The following DAW1 variants were observed in gnomAD, a reference collection of about 807,000 sequenced individuals.
DAW1 encodes dynein assembly factor with WD repeat domains 1.
A neutral mutation model predicts 56.5 loss-of-function variants in DAW1; 47 were observed. The ratio of observed to expected loss-of-function variants is 0.83; its 90% CI spans 0.66 to 1.06. The LOEUF is 1.06. Among genes scored for constraint, DAW1 ranks in the 50% least tolerant of loss-of-function variants. The pLI is 0.00. For missense variants in DAW1, 505 were observed against 499.3 expected (o/e 1.01, Z -0.11); for synonymous variants, 190 against 179.0 (o/e 1.06, Z -0.49).
chr2:227,921,401 T>G lies in DAW1; in HGVS notation c.1053T>G (p.Ile351Met). The G allele has an allele frequency of 6.2e-7, 1 of 1,609,540 alleles. No individual in the cohort carries two copies. Among genetic ancestry groups the G allele is most frequent in the Non-Finnish European group, 8.5e-7 (1 of 1,177,666 alleles). ...LEGHEGEISK[I>M]SFNPQGNHLL... ...TCATTTTTCTTTCTCTTTTGCAGAT[T>G]TCTTTCAACCCTCAAGGGAACCATC... The change falls in exon 12 of 13, where the codon ATT (isoleucine) becomes ATG (methionine). Residue 351 changes from isoleucine (I) to methionine (M), a missense_variant and splice_region_variant. Transcript: ENST00000309931.
At chr2:227,888,428 C>T (rs573213659) in intron 2 of DAW1, among the ~76,000 whole-genome samples, 8 of 152,276 alleles carry the variant, frequency 5.3e-5, no homozygotes, top group East Asian at 1.9e-4. Context: ...CATCTGACCT[C>T]GATGAAGAAG....
intron 10 of DAW1, among the ~76,000 whole-genome samples, chr2:227,910,490 G>T (rs139549242): frequency 4.7e-4 from 28 of 60,066 alleles, no homozygotes; most frequent in African/African-American, 1.3e-3. Context: ...ATATATTTGT[G>T]GATGAACACA....
intron 6 of DAW1, 82 bp downstream of exon 6, chr2:227,898,363 C>T: frequency 1.4e-6 from 1 of 716,246 alleles, no homozygotes; most frequent in Non-Finnish European, 1.8e-6. Flanking sequence ...CTCTGTCACC[C>T]AGGCTGGAGT....
At chr2:227,917,681 T>A (rs1284669510) in intron 10 of DAW1, among the ~76,000 whole-genome samples, 2 of 147,490 alleles carry the variant, frequency 1.4e-5, no homozygotes, top group East Asian at 4.0e-4. Context: ...AGTGTAGATC[T>A]GTGCAGGACA....
At chr2:227,874,991 A>ACAAACAAACAAACAAACAAAC (rs554748004) in intron 1 of DAW1, among the ~76,000 whole-genome samples, 1 of 128,908 alleles carries the variant, frequency 7.8e-6, no homozygotes, top group Non-Finnish European at 1.7e-5. Flanking sequence ...AACAAACAGA[A>ACAAACAAACAAACAAACAAAC]AAACAAAAAA....
intron 4 of DAW1, among the ~76,000 whole-genome samples, chr2:227,892,289 C>A (rs961745830): frequency 1.4e-4 from 22 of 152,150 alleles, no homozygotes; most frequent in African/African-American, 5.3e-4. Context: ...CCTGCCACCA[C>A]GCCCAGCTAA....
At chr2:227,880,549 A>G (rs1164161142) in intron 1 of DAW1, among the ~76,000 whole-genome samples, 3 of 152,210 alleles carry the variant, frequency 2.0e-5, no homozygotes, top group Non-Finnish European at 4.4e-5. Context: ...ATGCCAAACT[A>G]TCCTCTAACT....
chr2:227,918,891 C>T, intron 11 of DAW1, 35 bp downstream of exon 11: 1 of 1,598,628 alleles, frequency 6.3e-7, no homozygotes, highest in Non-Finnish European at 8.6e-7. Flanking sequence ...AGTTTATTTA[C>T]TTTCAAAAAA....
chr2:227,920,901 ACTCCTGAC>A (rs1396975560), intron 11 of DAW1, among the ~76,000 whole-genome samples: 1 of 151,210 alleles, frequency 6.6e-6, no homozygotes, highest in Non-Finnish European at 1.5e-5. Context: ...GCGGTCTTGA[ACTCCTGAC>A]CTCAGGTGAT....
rs781391592 is a variant in DAW1 at position 227,903,139 on chromosome 2, T to C, written c.648+30T>C. On this transcript the variant is annotated intron_variant, in intron 7 of 12. Coordinates refer to ENST00000309931, the MANE Select transcript of DAW1 (RefSeq NM_178821.3). ...GTCAATAATGTTAATAAGCCTGTTA[T>C]TTGTGTTCATTCTTATTTGTGTTTT... The C allele has an allele frequency of 3.1e-6, 5 of 1,598,752 alleles. No individual in the cohort carries two copies. In the Admixed American group the frequency reaches 8.4e-5, roughly 27 times the overall value.
At chr2:227,899,050 TG>T (rs1367970975) in intron 6 of DAW1, among the ~76,000 whole-genome samples, 1 of 152,240 alleles carries the variant, frequency 6.6e-6, no homozygotes, top group Non-Finnish European at 1.5e-5. Flanking sequence ...CTTTCACTAT[TG>T]GGAAGCCCTT....
intron 4 of DAW1, among the ~76,000 whole-genome samples, chr2:227,892,933 G>A (rs1380759745): frequency 6.6e-6 from 1 of 152,166 alleles, no homozygotes; most frequent in African/African-American, 2.4e-5. Context: ...CACTATTCCT[G>A]TAGGAGAATA....
chr2:227,875,189 A>G (rs567105388), intron 1 of DAW1, among the ~76,000 whole-genome samples: 16 of 152,178 alleles, frequency 1.1e-4, no homozygotes, highest in African/African-American at 3.1e-4. Context: ...CTCCACATCC[A>G]CTAACAAATC....
At chr2:227,912,972 A>G (rs1691866365) in intron 10 of DAW1, among the ~76,000 whole-genome samples, 2 of 152,192 alleles carry the variant, frequency 1.3e-5, no homozygotes, top group African/African-American at 4.8e-5. Flanking sequence ...GTACAATATT[A>G]TCACTGCTTA....
intron 3 of DAW1, 78 bp from the exon 4 acceptor site, chr2:227,891,177 G>A (rs1038674877): frequency 2.3e-6 from 3 of 1,300,568 alleles, no homozygotes; most frequent in African/African-American, 3.0e-5. Flanking sequence ...AAAATTGAAT[G>A]TCTTCATTGG....
chr2:227,890,753 A>T (rs1203163994), intron 3 of DAW1, among the ~76,000 whole-genome samples: 2 of 152,214 alleles, frequency 1.3e-5, no homozygotes, highest in Non-Finnish European at 2.9e-5. Flanking sequence ...CTCCAAAGGG[A>T]ACATTTTTGA....
chr2:227,921,305 CTTTTTTTTTTTTTT>C (rs556409280), intron 11 of DAW1, 80 bp from the exon 12 acceptor site: 39 of 436,328 alleles, frequency 8.9e-5, no homozygotes, highest in African/African-American at 6.8e-4. Context: ...CTGTAATGTC[CTTTTTTTTTTTTTT>C]TTTTTTTTTT....
intron 3 of DAW1, 101 bp downstream of exon 3, chr2:227,890,101 T>C: frequency 8.1e-7 from 1 of 1,228,746 alleles, no homozygotes; most frequent in Non-Finnish European, 1.1e-6. Flanking sequence ...GAAAAAGGCA[T>C]GTCAGTGATT....
At chr2:227,900,492 A>G (rs759356005) in intron 6 of DAW1, among the ~76,000 whole-genome samples, 3 of 152,202 alleles carry the variant, frequency 2.0e-5, no homozygotes, top group African/African-American at 7.2e-5. Flanking sequence ...GATAAGTTCA[A>G]AGATGTGTTG....
Sources: gnomAD v4.1 joint callset for allele counts (sites outside exome capture counted in the v4.1 genomes callset) on GRCh38, gnomAD v4.1.1 for gene constraint, MANE v1.5 for transcripts, NCBI Gene and HGNC (gene_info 2026-07-23, HGNC 2026-07-21) for gene names.